C11orf65: variants seen among roughly 807,000 people sequenced by gnomAD.
C11orf65 encodes chromosome 11 open reading frame 65.
Under a neutral mutation model 35.3 loss-of-function variants are expected in C11orf65, and 38 were observed. That is an observed-to-expected ratio of 1.08 (90% CI 0.83 to 1.41). C11orf65 has a LOEUF of 1.41. C11orf65 is among the 40% of genes most tolerant of loss of function. The probability of loss-of-function intolerance (pLI) is 0.00; values close to 1 mark genes in which losing one functional copy is unlikely to be tolerated. For synonymous variants in C11orf65, 105 were observed against 114.4 expected, an observed-to-expected ratio of 0.92 and a Z score of 0.53; for missense variants, 370 against 367.1, an observed-to-expected ratio of 1.01 and a Z score of -0.06.
At chr11:108,366,717 G>GCAAA (rs980896382) in intron 2 of C11orf65, 6 of 230,946 alleles carry the variant, frequency 2.6e-5, no homozygotes, top group Non-Finnish European at 4.3e-5. Flanking sequence ...CCAGGCCAAG[G>GCAAA]CAAACACACT....
intron 2 of C11orf65, among the ~76,000 whole-genome samples, chr11:108,440,356 G>A (rs922247619): frequency 3.9e-5 from 6 of 152,188 alleles, no homozygotes; most frequent in Admixed American, 3.9e-4. Flanking sequence ...TAGTAGGGAA[G>A]TCTTGTCTCA....
At chr11:108,378,259 C>G (rs1418491263), downstream of C11orf65, among the ~76,000 whole-genome samples, 1 of 149,726 alleles carries the variant, frequency 6.7e-6, no homozygotes, top group Non-Finnish European at 1.5e-5. Context: ...ACCAAAACAG[C>G]ATGGTACTGG....
At chr11:108,436,994 A>G (rs1036046902) in intron 2 of C11orf65, among the ~76,000 whole-genome samples, 1 of 151,660 alleles carries the variant, frequency 6.6e-6, no homozygotes, top group African/African-American at 2.4e-5. Flanking sequence ...TACTACAGAC[A>G]CATCTATAGT....
chr11:108,432,993 T>C lies in C11orf65; in HGVS notation c.82-1155A>G, dbSNP rs931380615. ...GTTCTGCTGGTCTTGGTTGGACTCA[T>C]ACATGTGGCCTTAGTCAGCTGCCAG... On this transcript the variant is annotated intron_variant, in intron 2 of 8. Coordinates refer to ENST00000393084, the MANE Select transcript of C11orf65 (RefSeq NM_152587.5). 3.3e-5 allele frequency among the ~76,000 whole-genome samples: 5 copies of C among 152,144 alleles called. No individual in the cohort carries two copies. In the East Asian group the frequency reaches 7.7e-4, roughly 23 times the overall value.
intron 2 of C11orf65, among the ~76,000 whole-genome samples, chr11:108,362,217 A>G (rs532633075): frequency 0.012 from 1,768 of 147,928 alleles, 41 homozygotes; most frequent in African/African-American, 0.041. Context: ...ATCACTGGCC[A>G]TCAGAGAAAT....
At chr11:108,371,533 G>A (rs1335198706) in intron 2 of C11orf65, among the ~76,000 whole-genome samples, 1 of 152,042 alleles carries the variant, frequency 6.6e-6, no homozygotes, top group Non-Finnish European at 1.5e-5. Flanking sequence ...ATGTCCTCAA[G>A]GTTCGTCTAT....
intron 2 of C11orf65, chr11:108,366,046 A>AG (rs2091308924): frequency 5.7e-6 from 1 of 176,052 alleles, no homozygotes; most frequent in Non-Finnish European, 1.2e-5. Context: ...AAAAAAAAAA[A>AG]AACAGAAACG....
intron 2 of C11orf65, among the ~76,000 whole-genome samples, chr11:108,341,965 G>C (rs227073): frequency 0.51 from 77,232 of 152,044 alleles, 20,838 homozygotes; most frequent in Middle Eastern, 0.73. Flanking sequence ...TTAAATTCCT[G>C]GGTATATACC....
intron 2 of C11orf65, among the ~76,000 whole-genome samples, chr11:108,374,802 G>A (rs2138150409): frequency 6.6e-6 from 1 of 152,332 alleles, no homozygotes; most frequent in Non-Finnish European, 1.5e-5. Flanking sequence ...AGGAGCTGAT[G>A]GAGCTGAAAG....
chr11:108,397,730 C>G (rs797020215), intron 6 of C11orf65, among the ~76,000 whole-genome samples: 6 of 152,242 alleles, frequency 3.9e-5, no homozygotes, highest in African/African-American at 1.4e-4. Flanking sequence ...TCATTCACCC[C>G]CTGCAACTCT....
intron 6 of C11orf65, among the ~76,000 whole-genome samples, chr11:108,404,772 CTA>C (rs1457527245): frequency 2.0e-5 from 3 of 152,074 alleles, no homozygotes; most frequent in Non-Finnish European, 4.4e-5. Flanking sequence ...TTCCATTGAC[CTA>C]TATTTCTGTC....
chr11:108,441,851 AC>A (rs755911879), intron 2 of C11orf65, among the ~76,000 whole-genome samples: 1 of 152,198 alleles, frequency 6.6e-6, no homozygotes, highest in Non-Finnish European at 1.5e-5. Flanking sequence ...GGTAGAGAAA[AC>A]CACAAAGACG....
intron 2 of C11orf65, among the ~76,000 whole-genome samples, chr11:108,440,723 A>T: frequency 6.6e-6 from 1 of 152,170 alleles, no homozygotes. Context: ...ACAGACTTGG[A>T]CACTGCAATG....
intron 2 of C11orf65, among the ~76,000 whole-genome samples, chr11:108,442,761 A>G (rs2093177802): frequency 6.6e-6 from 1 of 152,226 alleles, no homozygotes; most frequent in Non-Finnish European, 1.5e-5. Context: ...AATACTTTAC[A>G]GACAAGCAAA....
chr11:108,336,207 A>G (rs2086835879), intron 2 of C11orf65: 3 of 405,048 alleles, frequency 7.4e-6, no homozygotes, highest in Non-Finnish European at 4.6e-6. Context: ...TGGGAGGCTG[A>G]GGTGGGAGGA....
At chr11:108,465,640 G>T (rs2093525672) in intron 1 of C11orf65, among the ~76,000 whole-genome samples, 1 of 151,866 alleles carries the variant, frequency 6.6e-6, no homozygotes, top group Non-Finnish European at 1.5e-5. Context: ...CTGTAAGGGA[G>T]CAGAAAAATG....
chr11:108,402,616 T>C (rs1309470218), intron 6 of C11orf65, among the ~76,000 whole-genome samples: 1 of 151,854 alleles, frequency 6.6e-6, no homozygotes, highest in African/African-American at 2.4e-5. Flanking sequence ...AAACTACACA[T>C]ATTTAAATTG....
intron 7 of C11orf65, among the ~76,000 whole-genome samples, chr11:108,388,378 A>G (rs2092065381): frequency 6.6e-6 from 1 of 152,360 alleles, no homozygotes; most frequent in South Asian, 2.1e-4. Flanking sequence ...CATGCTGTTT[A>G]TATCACAGAG....
intron 2 of C11orf65, among the ~76,000 whole-genome samples, chr11:108,344,344 G>A (rs1301467398): frequency 6.6e-6 from 1 of 152,090 alleles, no homozygotes; most frequent in Non-Finnish European, 1.5e-5. Context: ...CAGGCAGAAG[G>A]AGCATATAAG....
Sources: allele counts gnomAD v4.1 joint callset (sites outside exome capture counted in the v4.1 genomes callset), GRCh38; gene constraint gnomAD v4.1.1; transcripts MANE v1.5; gene names NCBI Gene and HGNC (gene_info 2026-07-23, HGNC 2026-07-21).